The following ZNF257 variants were observed in gnomAD, a reference collection of about 807,000 sequenced individuals.
ZNF257 encodes bone marrow zinc finger 4.
Under a neutral mutation model 11.9 loss-of-function variants are expected in ZNF257, and 12 were observed. The observed-to-expected ratio is 1.01, with a 90% CI of 0.65 to 1.63. The LOEUF is 1.63. Among genes scored for constraint, ZNF257 ranks in the 40% most tolerant of loss-of-function variants. ZNF257 has a pLI of 0.00. For missense variants in ZNF257, 580 were observed against 665.5 expected (o/e 0.87, Z 1.41); for synonymous variants, 183 against 222.7 (o/e 0.82, Z 1.59).
chr19:22,067,392 T>C (rs144682809), intron 1 of ZNF257, among the ~76,000 whole-genome samples: 19 of 152,240 alleles, frequency 1.2e-4, no homozygotes, highest in African/African-American at 3.9e-4. Context: ...TCCACAAATA[T>C]GCAGGTAACA....
In ZNF257 at chr19:22,066,140, C is replaced by T. The variant is rs1302036876; in HGVS notation, c.4-6669C>T. The T allele has an allele frequency of 2.0e-5, 3 of 153,218 alleles. No homozygotes were observed. In the Admixed American group the frequency reaches 2.0e-4, roughly 10 times the overall value. The allele number at this position is 153,218 out of a possible 1,614,324, so 9.5% of individuals were successfully genotyped here. On this transcript the variant is annotated intron_variant, in intron 1 of 3. Transcript: ENST00000594947. ...TTGCTCATTTGAGAGCTGTTTTTCT[C>T]TCAAATGCTTTGGGTGTCTGTTTTA... is the stretch of plus-strand genomic sequence containing the variant.
chr19:22,089,757 C>T lies in ZNF257; in HGVS notation c.*315C>T. Reference sequence around the variant, plus strand: ...TTAAAAGTTCTCAACCCTTATTACACATAATTTATACTGGACAGAAATCCT... The same window carrying T: ...TTAAAAGTTCTCAACCCTTATTACATATAATTTATACTGGACAGAAATCCT... On this transcript the variant is annotated 3_prime_UTR_variant, in exon 4 of 4. Transcript: ENST00000594947. 1 of 407,646 alleles carries T rather than the reference C, an allele frequency of 2.5e-6. No homozygotes were observed. Among genetic ancestry groups the T allele is most frequent in the Non-Finnish European group, 4.4e-6 (1 of 229,382 alleles). The allele number at this position is 407,646 out of a possible 1,614,324, so 25.3% of individuals were successfully genotyped here.
intron 3 of ZNF257, among the ~76,000 whole-genome samples, chr19:22,075,179 T>A (rs1040121966): frequency 1.3e-5 from 2 of 152,164 alleles, no homozygotes; most frequent in Admixed American, 6.5e-5. Context: ...AGGGCTTGGA[T>A]AGTTGTAATT....
chr19:22,085,456 G>A (rs145840267), intron 3 of ZNF257, among the ~76,000 whole-genome samples: 1 of 152,124 alleles, frequency 6.6e-6, no homozygotes, highest in Non-Finnish European at 1.5e-5. Flanking sequence ...CTATTGCAAC[G>A]GGTGTGTTTC....
intron 1 of ZNF257, among the ~76,000 whole-genome samples, chr19:22,070,799 A>G (rs562130301): frequency 7.9e-5 from 12 of 152,144 alleles, no homozygotes; most frequent in Admixed American, 3.3e-4. Context: ...TAAAACATTC[A>G]TTTTGGACCC....
rs558662316 is a variant in ZNF257 at position 22,055,787 on chromosome 19, C to T, written c.3+3152C>T. Among the ~76,000 whole-genome samples the T allele has an allele frequency of 4.6e-5, 7 of 151,934 alleles. No homozygotes were observed. In the East Asian group the frequency reaches 9.8e-4, roughly 21 times the overall value. On this transcript the variant is annotated intron_variant, in intron 1 of 3. Transcript: ENST00000594947. ...CACCTTGAAAAGAATTGTTTTCGGC[C>T]GGGCGCGGTGGCTCACGCCTGTAAT... is the stretch of plus-strand genomic sequence containing the variant.
intron 3 of ZNF257, among the ~76,000 whole-genome samples, chr19:22,086,033 A>G (rs1392852415): frequency 6.6e-6 from 1 of 152,118 alleles, no homozygotes; most frequent in Non-Finnish European, 1.5e-5. Flanking sequence ...TAGAAAGCTA[A>G]TTATACCTAT....
At chr19:22,076,833 C>T (rs980505703) in intron 3 of ZNF257, among the ~76,000 whole-genome samples, 2 of 152,194 alleles carry the variant, frequency 1.3e-5, no homozygotes, top group Admixed American at 6.5e-5. Flanking sequence ...GGACTACAGG[C>T]GCCCGCCACC....
Position 22,072,994 on chromosome 19 carries a change from A to ATT in ZNF257, c.130+69_130+70dup, listed in dbSNP as rs200588824. ...ACTCCAAAGGCTTTATTTTTTATTT[A>ATT]TTTTTTTTTTTGTAGAATGTTTTTT... On this transcript the variant is annotated intron_variant, in intron 2 of 3. Transcript: ENST00000594947. 2.3e-3 allele frequency: 2,701 copies of ATT among 1,169,722 alleles called. 1 individual carries two copies. Among genetic ancestry groups the ATT allele is most frequent in the African/African-American group, 5.7e-3 (302 of 53,150 alleles). The allele number at this position is 1,169,722 out of a possible 1,614,324, so 72.5% of individuals were successfully genotyped here.
intron 3 of ZNF257, among the ~76,000 whole-genome samples, chr19:22,079,392 G>A (rs1363166896): frequency 6.6e-6 from 1 of 152,064 alleles, no homozygotes; most frequent in African/African-American, 2.4e-5. Flanking sequence ...TGGTTGGTCT[G>A]TTCTCATGCT....
intron 1 of ZNF257, among the ~76,000 whole-genome samples, chr19:22,071,312 G>T (rs2145701139): frequency 6.6e-6 from 1 of 152,242 alleles, no homozygotes; most frequent in African/African-American, 2.4e-5. Context: ...ATAAAGGACA[G>T]AAATGGATGG....
intron 3 of ZNF257, 145 bp downstream of exon 3, chr19:22,073,709 T>C: frequency 1.0e-5 from 11 of 1,087,678 alleles, no homozygotes; most frequent in Non-Finnish European, 1.4e-5. Flanking sequence ...ATTTTTTTTT[T>C]CTTTGCTCTC....
rs771433859 is a variant in ZNF257 at position 22,072,834 on chromosome 19, CTG to C, written c.31_32del (p.Val11ArgfsTer19). Reference sequence around the variant, plus strand: ...GGACCACTGACAATTAGGGATGTGACTGTAGAATTCTCTCTGGAGGAGTGGCA... The same window carrying C: ...GGACCACTGACAATTAGGGATGTGACTAGAATTCTCTCTGGAGGAGTGGCA... On this transcript the variant is annotated frameshift_variant, in exon 2 of 4. Coordinates refer to ENST00000594947, the MANE Select transcript of ZNF257 (RefSeq NM_033468.4). LOFTEE classifies it high-confidence loss of function. 68 of 1,612,734 alleles carry C rather than the reference CTG, an allele frequency of 4.2e-5. No homozygotes were observed. In the African/African-American group the frequency reaches 7.1e-4, roughly 17 times the overall value.
At position 22,083,114 on chromosome 19, in the gene ZNF257, G is replaced by A. The variant is rs142775837; in HGVS notation, c.227-4863G>A. On this transcript the variant is annotated intron_variant, in intron 3 of 3. Transcript: ENST00000594947. ...ATTTATTTGTGAATCTTCCATATCC[G>A]GTTTATTCATGAATCTATATTATTT... Among the ~76,000 whole-genome samples the A allele has an allele frequency of 1.4e-4, 21 of 152,072 alleles. No homozygotes were observed. In the East Asian group the frequency reaches 1.9e-3, roughly 14 times the overall value.
At chr19:22,081,978 TTTTC>T (rs1329872679) in intron 3 of ZNF257, among the ~76,000 whole-genome samples, 3 of 152,082 alleles carry the variant, frequency 2.0e-5, no homozygotes. Context: ...CATGCCTTAC[TTTTC>T]TATTTGTTTA....
intron 1 of ZNF257, among the ~76,000 whole-genome samples, chr19:22,053,021 C>T (rs1036408734): frequency 6.6e-6 from 1 of 152,056 alleles, no homozygotes; most frequent in Non-Finnish European, 1.5e-5. Flanking sequence ...TCTCTCTTTT[C>T]TCTTATTAAA....
At chr19:22,053,035 A>G (rs777824448) in intron 1 of ZNF257, among the ~76,000 whole-genome samples, 31 of 152,306 alleles carry the variant, frequency 2.0e-4, no homozygotes, top group South Asian at 6.2e-4. Flanking sequence ...TATTAAAAAT[A>G]TACAGAAGTC....
intron 1 of ZNF257, among the ~76,000 whole-genome samples, chr19:22,072,382 A>G (rs1041249452): frequency 1.3e-5 from 2 of 152,124 alleles, no homozygotes; most frequent in African/African-American, 4.8e-5. Flanking sequence ...ACAGTCCAGC[A>G]ATACTAGGAA....
At chr19:22,080,683 T>A (rs1057502612) in intron 3 of ZNF257, among the ~76,000 whole-genome samples, 1 of 151,840 alleles carries the variant, frequency 6.6e-6, no homozygotes, top group Non-Finnish European at 1.5e-5. Flanking sequence ...TGTTTTATTA[T>A]TGCTATTTTA....
Sources: gnomAD v4.1 joint callset for allele counts (sites outside exome capture counted in the v4.1 genomes callset) on GRCh38, gnomAD v4.1.1 for gene constraint, MANE v1.5 for transcripts, NCBI Gene and HGNC (gene_info 2026-07-23, HGNC 2026-07-21) for gene names.